The following EVC variants were observed in gnomAD, a reference collection of about 807,000 sequenced individuals.
EVC encodes EvC ciliary complex subunit 1, also known as evC complex member EVC.
A neutral mutation model predicts 118.9 loss-of-function variants in EVC; 116 were observed. That is an observed-to-expected ratio of 0.98 (90% CI 0.84 to 1.14). The LOEUF (loss-of-function observed/expected upper bound fraction) is 1.14, where lower values mean the gene tolerates loss of function less well. EVC is among the 50% of genes most tolerant of loss of function. The pLI is 0.00. For missense variants in EVC, 1,401 were observed against 1,246.4 expected, an observed-to-expected ratio of 1.12 and a Z score of -1.87; for synonymous variants, 619 against 534.7, an observed-to-expected ratio of 1.16 and a Z score of -2.18.
At chr4:5,733,200 C>G in intron 4 of EVC, 151 bp from the exon 5 acceptor site, 1 of 730,548 alleles carries the variant, frequency 1.4e-6, no homozygotes, top group Non-Finnish European at 2.5e-6. Context: ...TCTTATAAAC[C>G]TGGAGTGAGC....
In EVC at chr4:5,765,078, A is replaced by G. The variant is rs200229915; in HGVS notation, c.1563+8716A>G. Among the ~76,000 whole-genome samples the G allele has an allele frequency of 1.5e-4, 17 of 113,804 alleles. 3 individuals are homozygous for G. The East Asian group carries it at 2.8e-3, about 19-fold the overall frequency. The allele number at this position is 113,804 out of a possible 152,430, so 74.7% of individuals were successfully genotyped here. On this transcript the variant is annotated intron_variant, in intron 11 of 20. Coordinates refer to ENST00000264956, the MANE Select transcript of EVC (RefSeq NM_153717.3). Reference sequence around the variant, plus strand: ...TCTCTCTACACACTGCTTTGAATGCATCCCAGAGATTTTGGTATGTTGTGT... The same window carrying G: ...TCTCTCTACACACTGCTTTGAATGCGTCCCAGAGATTTTGGTATGTTGTGT...
rs572210641 is a variant in EVC at position 5,732,243 on chromosome 4, G to T, written c.617+586G>T. Among the ~76,000 whole-genome samples the T allele has an allele frequency of 1.1e-3, 158 of 148,886 alleles. 1 individual carries two copies. Among genetic ancestry groups the T allele is most frequent in the African/African-American group, 3.4e-3 (142 of 41,254 alleles). On this transcript the variant is annotated intron_variant, in intron 4 of 20. Transcript: ENST00000264956. ...GGCTCCGCACGTGGTGGGGGCTTAA[G>T]AAGCTCAGTCTGGCGGGTTCACACA...
At chr4:5,763,509 G>A (rs1057369633) in intron 11 of EVC, among the ~76,000 whole-genome samples, 18 of 145,204 alleles carry the variant, frequency 1.2e-4, no homozygotes, top group South Asian at 2.2e-4. Flanking sequence ...CCATTTTCAC[G>A]ATATTGATTC....
chr4:5,815,930 G>A (rs1457225904), downstream of EVC, among the ~76,000 whole-genome samples: 1 of 152,074 alleles, frequency 6.6e-6, no homozygotes, highest in Non-Finnish European at 1.5e-5. Flanking sequence ...AAGGAAGGGA[G>A]GGAGGAACGC....
intron 11 of EVC, among the ~76,000 whole-genome samples, chr4:5,770,938 G>A (rs1235025422): frequency 6.6e-6 from 1 of 151,896 alleles, no homozygotes; most frequent in Non-Finnish European, 1.5e-5. Flanking sequence ...GTTGAACCCG[G>A]GAGGCAGAGG....
At chr4:5,760,198 A>G (rs973485736) in intron 11 of EVC, among the ~76,000 whole-genome samples, 1 of 152,050 alleles carries the variant, frequency 6.6e-6, no homozygotes, top group African/African-American at 2.4e-5. Flanking sequence ...TCGGGGGCCC[A>G]ATATATTTTC....
chr4:5,809,456 A>G, intron 18 of EVC, 62 bp from the exon 19 acceptor site: 1 of 1,422,968 alleles, frequency 7.0e-7, no homozygotes, highest in South Asian at 1.1e-5. Context: ...ACTCACGTGG[A>G]GAGGGATTTA....
intron 16 of EVC, 60 bp downstream of exon 16, chr4:5,802,154 G>A: frequency 6.3e-7 from 1 of 1,598,366 alleles, no homozygotes; most frequent in Non-Finnish European, 8.6e-7. Flanking sequence ...CTTTTAGTTT[G>A]GGGCAGAATA....
Position 5,811,136 on chromosome 4 carries a change from A to G in EVC, c.*99A>G. The G allele has an allele frequency of 1.1e-6, 1 of 939,918 alleles. No individual in the cohort carries two copies. The highest frequency in any genetic ancestry group is 1.7e-6 in the Non-Finnish European group (1 of 590,108). 58.2% of individuals were successfully genotyped at this position (939,918 alleles called of 1,614,324 possible). ...CTGAGAGGCAGCGAGGACGGAGAGG[A>G]CAGCGGCATCTCTAGGCTCTTCTGA... On this transcript the variant is annotated 3_prime_UTR_variant, in exon 21 of 21. Coordinates refer to ENST00000264956, the MANE Select transcript of EVC (RefSeq NM_153717.3).
chr4:5,828,928 G>T, the EVC span, among the ~76,000 whole-genome samples: 1 of 145,406 alleles, frequency 6.9e-6, no homozygotes. Flanking sequence ...CAAAGAGGAA[G>T]GGGGTCCCCC....
chr4:5,715,880 A>G (rs1723873577), intron 1 of EVC, among the ~76,000 whole-genome samples: 1 of 151,670 alleles, frequency 6.6e-6, no homozygotes, highest in Non-Finnish European at 1.5e-5. Context: ...AGTAGCTGGG[A>G]CTACAGGCAT....
chr4:5,740,200 T>C (rs772381482), intron 5 of EVC, among the ~76,000 whole-genome samples: 2 of 150,906 alleles, frequency 1.3e-5, no homozygotes, highest in Non-Finnish European at 3.0e-5. Flanking sequence ...CCAGGCATGG[T>C]TGGCTCACGC....
In EVC at chr4:5,798,827, G is replaced by A. The variant is rs935814827; in HGVS notation, c.2304+35G>A. The A allele has an allele frequency of 2.9e-5, 47 of 1,595,624 alleles. No homozygotes were observed. The highest frequency in any genetic ancestry group is 3.8e-5 in the Non-Finnish European group (45 of 1,171,500). Reference sequence around the variant, plus strand: ...GACCTCTGTCCCTGGGGACACCGAGGGCAAGAATGTTCAGGGTAGGGTCCA... The same window carrying A: ...GACCTCTGTCCCTGGGGACACCGAGAGCAAGAATGTTCAGGGTAGGGTCCA... On this transcript the variant is annotated intron_variant, in intron 15 of 20. Transcript: ENST00000264956. The surrounding 1 kb of genome is among the most constrained non-coding windows in gnomAD (Gnocchi z 4.1).
chr4:5,767,491 C>T (rs1014825638), intron 11 of EVC, among the ~76,000 whole-genome samples: 2 of 150,728 alleles, frequency 1.3e-5, no homozygotes, highest in African/African-American at 2.4e-5. Context: ...GGGCGCCTCT[C>T]CCCCAGCGTG....
intron 11 of EVC, among the ~76,000 whole-genome samples, chr4:5,764,812 G>C (rs978431374): frequency 4.8e-5 from 7 of 147,118 alleles, no homozygotes; most frequent in South Asian, 2.3e-4. Context: ...TATTAGTCTT[G>C]CTAGCAGTCT....
rs1043256201 is a variant in EVC, at chr4:5,731,098, A to T, written c.385-327A>T. Among the ~76,000 whole-genome samples, 9 of 151,924 alleles carry T rather than the reference A, an allele frequency of 5.9e-5. No homozygotes were observed. Among genetic ancestry groups the T allele is most frequent in the Non-Finnish European group, 4.4e-5 (3 of 67,954 alleles). ...AACTGGGTCAGGGCAAGCGGTGGCT[A>T]TGGAGGAGGTAGGTCAGAGTTGGCA... On this transcript the variant is annotated intron_variant, in intron 3 of 20. Coordinates refer to ENST00000264956, the MANE Select transcript of EVC (RefSeq NM_153717.3). This position sits in a 1 kb window ranked among gnomAD's most constrained non-coding sequence, Gnocchi z 5.6.
intron 11 of EVC, among the ~76,000 whole-genome samples, chr4:5,769,739 A>G (rs1294155486): frequency 1.3e-5 from 2 of 152,086 alleles, no homozygotes; most frequent in Admixed American, 6.5e-5. Context: ...AGGTGGTAAA[A>G]TCACAGCCCT....
chr4:5,820,758 C>A, the EVC span: 3 of 152,192 alleles, frequency 2.0e-5, no homozygotes, highest in Non-Finnish European at 4.4e-5. Flanking sequence ...GACACCACCA[C>A]TGAAATGAAA....
At position 5,749,739 on chromosome 4, in the gene EVC, G is replaced by A. The variant is rs114396514; in HGVS notation, c.1098+1433G>A. On this transcript the variant is annotated intron_variant, in intron 8 of 20. Coordinates refer to ENST00000264956, the MANE Select transcript of EVC (RefSeq NM_153717.3). The surrounding 1 kb of genome is among the most constrained non-coding windows in gnomAD (Gnocchi z 4.4). ...ATTTCCCCGTCCTGTGCACCAGCCC[G>A]TGTGGCAGCTCGGCTCAGAACCCTG... Among the ~76,000 whole-genome samples the A allele has an allele frequency of 0.016, 2,385 of 152,210 alleles. 72 individuals carry two copies. The highest frequency in any genetic ancestry group is 0.054 in the African/African-American group (2,237 of 41,524).
Sources: allele counts gnomAD v4.1 joint callset (sites outside exome capture counted in the v4.1 genomes callset), GRCh38; gene constraint gnomAD v4.1.1; non-coding constraint Gnocchi (gnomAD v3.1); transcripts MANE v1.5; gene names NCBI Gene and HGNC (gene_info 2026-07-23, HGNC 2026-07-21).